IQCM: variants seen among roughly 807,000 people sequenced by gnomAD.
IQCM encodes the protein IQ motif containing M.
IQCM carries 45 observed loss-of-function variants against 57.6 expected under a neutral mutation model. That is an observed-to-expected ratio of 0.78 (90% CI 0.62 to 1.00). The LOEUF is 1.00. IQCM is among the 50% of genes least tolerant of loss of function. IQCM has a pLI of 0.00. For synonymous variants in IQCM, 148 were observed against 158.9 expected (o/e 0.93, Z 0.51); for missense variants, 468 against 511.6 (o/e 0.91, Z 0.82).
At chr4:149,663,591 C>T (rs1760422420) in intron 7 of IQCM, among the ~76,000 whole-genome samples, 2 of 151,870 alleles carry the variant, frequency 1.3e-5, no homozygotes, top group African/African-American at 4.8e-5. Flanking sequence ...CTAAAGGAAA[C>T]CTTTGCTAGG....
intron 13 of IQCM, among the ~76,000 whole-genome samples, chr4:149,401,297 A>G (rs190628795): frequency 2.0e-4 from 31 of 151,996 alleles, no homozygotes; most frequent in African/African-American, 6.7e-4. Context: ...GCCAAATAAG[A>G]AAATAAATAT....
In IQCM at chr4:149,379,445, T is replaced by C. The variant is rs998750335; in HGVS notation, c.1391-27379A>G. ...GGAGCTGCCCAAGACCATGGGAATC[T>C]ACCTCTTGCAACAGCATGACCCAGA... On this transcript the variant is annotated intron_variant, in intron 13 of 13. Coordinates refer to ENST00000636793, the MANE Select transcript of IQCM (RefSeq NM_001363507.2). Among the ~76,000 whole-genome samples the C allele has an allele frequency of 1.6e-4, 25 of 152,184 alleles. 1 individual carries two copies. Among genetic ancestry groups the C allele is most frequent in the Non-Finnish European group, 1.5e-5 (1 of 68,026 alleles).
intron 12 of IQCM, among the ~76,000 whole-genome samples, chr4:149,539,901 C>T (rs1165911857): frequency 6.6e-6 from 1 of 152,014 alleles, no homozygotes; most frequent in East Asian, 1.9e-4. Flanking sequence ...ATCTTTATTG[C>T]ATCCTGATTA....
At chr4:149,467,892 C>A (rs1220591275) in intron 12 of IQCM, among the ~76,000 whole-genome samples, 1 of 152,074 alleles carries the variant, frequency 6.6e-6, no homozygotes, top group Non-Finnish European at 1.5e-5. Flanking sequence ...GACTAAGGAG[C>A]CTGTTGATGC....
intron 7 of IQCM, 118 bp from the exon 8 acceptor site, chr4:149,621,362 T>C (rs1756318149): frequency 9.6e-6 from 4 of 415,772 alleles, no homozygotes; most frequent in Middle Eastern, 6.2e-4. Flanking sequence ...CACTATTCTG[T>C]ATTAAAATCA....
At chr4:149,384,103 C>T (rs2111048120) in intron 13 of IQCM, among the ~76,000 whole-genome samples, 1 of 152,186 alleles carries the variant, frequency 6.6e-6, no homozygotes. Context: ...TAGAGATTAT[C>T]TTACTGTAAT....
chr4:149,519,263 T>C (rs1019947870), intron 12 of IQCM, among the ~76,000 whole-genome samples: 1 of 147,610 alleles, frequency 6.8e-6, no homozygotes, highest in Non-Finnish European at 1.5e-5. Flanking sequence ...TGGAAAATTA[T>C]TGTAATTTTT....
At chr4:149,769,256 G>T (rs72961770) in intron 2 of IQCM, among the ~76,000 whole-genome samples, 2 of 151,834 alleles carry the variant, frequency 1.3e-5, no homozygotes, top group African/African-American at 2.4e-5. Context: ...TCCTGAACAC[G>T]TAGTTCTGAG....
intron 9 of IQCM, among the ~76,000 whole-genome samples, chr4:149,569,321 G>T (rs1750934760): frequency 6.6e-6 from 1 of 152,150 alleles, no homozygotes; most frequent in Admixed American, 6.5e-5. Flanking sequence ...TTGTTTCAGA[G>T]GTAAATTATC....
intron 7 of IQCM, among the ~76,000 whole-genome samples, chr4:149,676,442 C>T (rs969291295): frequency 3.9e-5 from 6 of 151,968 alleles, no homozygotes; most frequent in Non-Finnish European, 7.4e-5. Context: ...TAGGAAGTTG[C>T]GACTAATTAT....
At chr4:149,501,719 A>G (rs1324919883) in intron 12 of IQCM, among the ~76,000 whole-genome samples, 1 of 152,170 alleles carries the variant, frequency 6.6e-6, no homozygotes, top group Non-Finnish European at 1.5e-5. Context: ...AAAAACCGGT[A>G]ACTAACTTTG....
intron 7 of IQCM, among the ~76,000 whole-genome samples, chr4:149,677,135 A>G (rs1056212224): frequency 6.6e-6 from 1 of 152,082 alleles, no homozygotes; most frequent in African/African-American, 2.4e-5. Flanking sequence ...CGAAGAGCTT[A>G]TTCACCATCT....
intron 13 of IQCM, among the ~76,000 whole-genome samples, chr4:149,360,933 G>A (rs1729435983): frequency 1.3e-5 from 2 of 152,212 alleles, no homozygotes; most frequent in South Asian, 4.1e-4. Context: ...AAGAAGACAG[G>A]AAAATGTGGG....
intron 8 of IQCM, among the ~76,000 whole-genome samples, chr4:149,610,826 A>G (rs1579690894): frequency 1.3e-5 from 2 of 152,270 alleles, no homozygotes; most frequent in African/African-American, 4.8e-5. Flanking sequence ...TTTCTTGAAT[A>G]AGACCTAAAA....
At chr4:149,662,537 G>A (rs1181243712) in intron 7 of IQCM, among the ~76,000 whole-genome samples, 1 of 151,758 alleles carries the variant, frequency 6.6e-6, no homozygotes, top group African/African-American at 2.4e-5. Flanking sequence ...ATTTTATATT[G>A]CAGTCTATCT....
At chr4:149,393,223 T>A (rs1731986759) in intron 13 of IQCM, among the ~76,000 whole-genome samples, 1 of 151,900 alleles carries the variant, frequency 6.6e-6, no homozygotes. Context: ...TATTAAAATA[T>A]CAGGCAATGT....
At chr4:149,703,091 T>C (rs1482948976) in intron 5 of IQCM, among the ~76,000 whole-genome samples, 2 of 151,966 alleles carry the variant, frequency 1.3e-5, no homozygotes, top group African/African-American at 2.4e-5. Context: ...AAATGCTAAG[T>C]TGACAAGGCC....
chr4:149,466,452 T>C (rs1738868426), intron 12 of IQCM, among the ~76,000 whole-genome samples: 1 of 152,212 alleles, frequency 6.6e-6, no homozygotes, highest in African/African-American at 2.4e-5. Context: ...AATCTGTGCA[T>C]TACACTTTTT....
chr4:149,688,707 T>A (rs970109312), intron 5 of IQCM, among the ~76,000 whole-genome samples: 1 of 151,964 alleles, frequency 6.6e-6, no homozygotes, highest in Non-Finnish European at 1.5e-5. Context: ...CAAACTATAC[T>A]ATAAGGCCAT....
Sources: gnomAD v4.1 joint callset for allele counts (sites outside exome capture counted in the v4.1 genomes callset) on GRCh38, gnomAD v4.1.1 for gene constraint, MANE v1.5 for transcripts, NCBI Gene and HGNC (gene_info 2026-07-23, HGNC 2026-07-21) for gene names.